The following MOGAT3 variants were observed in gnomAD, a reference collection of about 807,000 sequenced individuals.
MOGAT3 encodes the protein monoacylglycerol O-acyltransferase 3.
MOGAT3 carries 39 observed loss-of-function variants against 34.4 expected under a neutral mutation model. The ratio of observed to expected loss-of-function variants is 1.13; its 90% CI spans 0.88 to 1.48. The LOEUF (loss-of-function observed/expected upper bound fraction) is 1.48. Ranked by LOEUF, MOGAT3 falls within the 40% of genes most tolerant of loss-of-function variation. The pLI is 0.00. For missense variants in MOGAT3, 439 were observed against 438.9 expected, an observed-to-expected ratio of 1.00 and a Z score of 0.00; for synonymous variants, 209 against 179.2, an observed-to-expected ratio of 1.17 and a Z score of -1.33.
chr7:101,196,380 C>G lies in MOGAT3; in HGVS notation c.678G>C (p.Leu226=), dbSNP rs529546839. ...TCTCCCCAAAGGAGTACACGGGCAC[C>G]AGGGACGCCCTGGGAAGGAGCAAGA... ...VRLALRHGAS[L]VPVYSFGEND... The change falls in exon 6 of 7, where the codon CTG becomes CTC. Residue 226 remains leucine, a synonymous_variant. Transcript: ENST00000223114. 1 of 1,609,740 alleles carries G rather than the reference C, an allele frequency of 6.2e-7. No homozygotes were observed. The highest frequency in any genetic ancestry group is 1.3e-5 in the African/African-American group (1 of 74,798).
At chr7:101,192,941 G>A (rs1395064741), downstream of MOGAT3, among the ~76,000 whole-genome samples, 3 of 152,020 alleles carry the variant, frequency 2.0e-5, no homozygotes, top group African/African-American at 4.8e-5. Flanking sequence ...AGCCAGGAGT[G>A]GTGGCAGACG....
chr7:101,200,902 A>G lies in MOGAT3; in HGVS notation c.-48T>C, dbSNP rs750455451. 2.0e-6 allele frequency: 3 copies of G among 1,491,528 alleles called. No homozygotes were observed. The African/African-American group carries it at 4.1e-5, about 21-fold the overall frequency. 92.4% of individuals were successfully genotyped at this position (1,491,528 alleles called of 1,614,324 possible). ...CAGGATCCCAGAACCCGGAGGACAAACGATGAAGGCTTGGATGTGGACCTG... is the reference window on the plus strand; with the variant it reads ...CAGGATCCCAGAACCCGGAGGACAAGCGATGAAGGCTTGGATGTGGACCTG... On this transcript the variant is annotated 5_prime_UTR_variant, in exon 1 of 7. Coordinates refer to ENST00000223114, the MANE Select transcript of MOGAT3 (RefSeq NM_178176.4).
chr7:101,198,086 T>C, intron 5 of MOGAT3, 105 bp downstream of exon 5: 1 of 1,335,300 alleles, frequency 7.5e-7, no homozygotes, highest in Non-Finnish European at 1.0e-6. Context: ...AGGGCGCTGG[T>C]CTCTGGGCAC....
rs1051382883 is a variant in MOGAT3, at chr7:101,198,330, T to C, written c.529A>G (p.Ile177Val). The change falls in exon 5 of 7, where the codon ATC becomes GTC. Residue 177 changes from isoleucine (I) to valine (V), a missense_variant. Ile to Val is a conservative substitution (Grantham distance 29). Transcript: ENST00000223114. The part of the protein sequence containing the change: ...CPVSRQSLDF[I>V]LSQPQLGQAV... Reference sequence around the variant, plus strand: ...TGCCCGAGCTGGGGCTGGGACAGGATGAAGTCCAGGCTCTGGCGGCTCACC... The same window carrying C: ...TGCCCGAGCTGGGGCTGGGACAGGACGAAGTCCAGGCTCTGGCGGCTCACC... 2.8e-5 allele frequency: 44 copies of C among 1,578,232 alleles called. No individual in the cohort carries two copies. The highest frequency in any genetic ancestry group is 3.7e-5 in the Non-Finnish European group (43 of 1,159,734).
Position 101,196,256 on chromosome 7 carries a change from A to T in MOGAT3, c.802T>A (p.Trp268Arg). Residue 268 changes from tryptophan (W) to arginine (R), a missense_variant, in exon 6 of 7, where the codon TGG becomes AGG. Transcript: ENST00000223114. ...KLMGFSPCIFWGRGLFSATSW... is the reference protein window; with the variant it reads ...KLMGFSPCIFRGRGLFSATSW... ...GTGGCTGAGAAGAGACCGCGACCCC[A>T]GAAGATGCAAGGAGAGAAGCCCATG... is the stretch of plus-strand genomic sequence containing the variant. 1 of 1,608,796 alleles carries T rather than the reference A, an allele frequency of 6.2e-7. No individual in the cohort carries two copies. The highest frequency in any genetic ancestry group is 2.2e-5 in the East Asian group (1 of 44,780).
chr7:101,195,850 G>A lies in MOGAT3; in HGVS notation c.*96C>T, dbSNP rs1797761276. 6 of 1,383,540 alleles carry A rather than the reference G, an allele frequency of 4.3e-6. No homozygotes were observed. In the African/African-American group the frequency reaches 8.5e-5, roughly 20 times the overall value. 85.7% of individuals were successfully genotyped at this position (1,383,540 alleles called of 1,614,324 possible). A position where few individuals can be genotyped will look rare whatever the true frequency, so the allele number is the denominator to read the frequency against. ...TTACAGGCATGAGGCACTGCGCTGGGCCCAGAACTACCTTTTATTGGAGGC... is the reference window on the plus strand; with the variant it reads ...TTACAGGCATGAGGCACTGCGCTGGACCCAGAACTACCTTTTATTGGAGGC... On this transcript the variant is annotated 3_prime_UTR_variant, in exon 7 of 7. Coordinates refer to ENST00000223114, the MANE Select transcript of MOGAT3 (RefSeq NM_178176.4).
At chr7:101,197,430 T>G (rs1243591623) in intron 5 of MOGAT3, among the ~76,000 whole-genome samples, 1 of 152,116 alleles carries the variant, frequency 6.6e-6, no homozygotes, top group East Asian at 1.9e-4. Context: ...TCAAGTGATC[T>G]TCCTGCCTTG....
chr7:101,199,234 C>T (rs986936728), intron 3 of MOGAT3, among the ~76,000 whole-genome samples: 7 of 152,132 alleles, frequency 4.6e-5, no homozygotes, highest in Non-Finnish European at 8.8e-5. Flanking sequence ...TCTTGAACTC[C>T]TGACCTCGTG....
intron 1 of MOGAT3, 72 bp from the exon 2 acceptor site, chr7:101,200,587 T>G (rs1797931154): frequency 2.2e-6 from 3 of 1,365,838 alleles, no homozygotes; most frequent in Admixed American, 2.0e-5. Flanking sequence ...CTCCCTTCCC[T>G]TCCTCCCCTT....
chr7:101,196,497 AG>A, intron 5 of MOGAT3, 108 bp from the exon 6 acceptor site: 1 of 689,888 alleles, frequency 1.4e-6, no homozygotes, highest in Non-Finnish European at 2.5e-6. Context: ...GCTACCTCCC[AG>A]GGTCATTCAA....
In MOGAT3 at chr7:101,200,098, A is replaced by C. The variant is rs973099079; in HGVS notation, c.288+136T>G. 4 of 754,430 alleles carry C rather than the reference A, an allele frequency of 5.3e-6. No individual in the cohort carries two copies. In the African/African-American group the frequency reaches 7.0e-5, roughly 13 times the overall value. 46.7% of individuals were successfully genotyped at this position (754,430 alleles called of 1,614,324 possible). A position where few individuals can be genotyped will look rare whatever the true frequency, so the allele number is the denominator to read the frequency against. ...ACAGGAGACTCAGTCTAAAAAAAAAAAAAAATCCATTCCCTGTCCCACTGC... is the reference window on the plus strand; with the variant it reads ...ACAGGAGACTCAGTCTAAAAAAAAACAAAAATCCATTCCCTGTCCCACTGC... On this transcript the variant is annotated intron_variant, in intron 3 of 6. Transcript: ENST00000223114.
Position 101,195,721 on chromosome 7 carries a change from T to C in MOGAT3, c.*225A>G, listed in dbSNP as rs1476865804. On this transcript the variant is annotated 3_prime_UTR_variant, in exon 7 of 7. Transcript: ENST00000223114. The stretch of plus-strand genomic sequence containing the variant: ...CATGCCCGGCTAATTAACAACATTA[T>C]TTTTTAATTTTTGTAGAAATGAAGT... 4 of 570,794 alleles carry C rather than the reference T, an allele frequency of 7.0e-6. No homozygotes were observed. In the Admixed American group the frequency reaches 9.7e-5, roughly 14 times the overall value. The allele number at this position is 570,794 out of a possible 1,614,324, so 35.4% of individuals were successfully genotyped here.
chr7:101,198,966 G>C, intron 3 of MOGAT3, 136 bp from the exon 4 acceptor site: 1 of 581,126 alleles, frequency 1.7e-6, no homozygotes, highest in Non-Finnish European at 3.0e-6. Context: ...AGAGTTCCGA[G>C]TTAAAGGTTC....
intron 3 of MOGAT3, 92 bp downstream of exon 3, chr7:101,200,142 G>C (rs1167504443): frequency 9.4e-7 from 1 of 1,059,418 alleles, no homozygotes; most frequent in Non-Finnish European, 1.5e-6. Flanking sequence ...AGGCAGCGGG[G>C]AGCTCAGGCC....
downstream of MOGAT3, among the ~76,000 whole-genome samples, chr7:101,194,668 A>C (rs947075687): frequency 6.6e-6 from 1 of 150,430 alleles, no homozygotes; most frequent in East Asian, 2.0e-4. Context: ...TGCCTGGTTA[A>C]GTTTTTGTAT....
rs1323312325 is a variant in MOGAT3 at position 101,198,977 on chromosome 7, TTAGGA to T, written c.289-152_289-148del. On this transcript the variant is annotated intron_variant, in intron 3 of 6. Transcript: ENST00000223114. Reference sequence around the variant, plus strand: ...CAGCAGAGTTCCGAGTTAAAGGTTCTTAGGATAGGGTTAAGGGCCCAGGTTTTTTT... The same window carrying T: ...CAGCAGAGTTCCGAGTTAAAGGTTCTTAGGGTTAAGGGCCCAGGTTTTTTT... The T allele has an allele frequency of 1.4e-5, 9 of 651,826 alleles. No individual in the cohort carries two copies. In the East Asian group the frequency reaches 2.5e-4, roughly 18 times the overall value. 40.4% of individuals were successfully genotyped at this position (651,826 alleles called of 1,614,324 possible). A position where few individuals can be genotyped will look rare whatever the true frequency, so the allele number is the denominator to read the frequency against.
rs767938339 is a variant in MOGAT3 at position 101,200,762 on chromosome 7, G to A, written c.93C>T (p.Leu31=). ...LEAVGAYQYV[L]TFLFMGPFFS... ...AGCTCTCACCCATGAAGAGGAAAGTGAGCACATATTGGTAGGCGCCCACTG... is the reference window on the plus strand; with the variant it reads ...AGCTCTCACCCATGAAGAGGAAAGTAAGCACATATTGGTAGGCGCCCACTG... The change falls in exon 1 of 7, where the codon CTC becomes CTT. Residue 31 remains leucine (L), a synonymous_variant. Transcript: ENST00000223114. The A allele has an allele frequency of 1.9e-5, 31 of 1,613,916 alleles. No homozygotes were observed. The highest frequency in any genetic ancestry group is 1.6e-4 in the Middle Eastern group (1 of 6,082).
In MOGAT3 at chr7:101,196,334, C is replaced by A. The variant is rs1410475227; in HGVS notation, c.724G>T (p.Ala242Ser). 6.2e-7 allele frequency: 1 copy of A among 1,614,010 alleles called. No homozygotes were observed. Among genetic ancestry groups the A allele is most frequent in the South Asian group, 1.1e-5 (1 of 91,068 alleles). ...TGCTGCCAGGAGCCTGTGGCAAAAG[C>A]CTTAAGTCTAAAGATGTCATTCTCC... Reference protein sequence around the residue: ...FGENDIFRLKAFATGSWQHWC... With the variant: ...FGENDIFRLKSFATGSWQHWC... Residue 242 changes from alanine to serine, a missense_variant, in exon 6 of 7, where the codon GCT (alanine) becomes TCT (serine). Physicochemically the swap from Ala to Ser is moderately conservative, Grantham distance 99. Coordinates refer to ENST00000223114, the MANE Select transcript of MOGAT3 (RefSeq NM_178176.4).
chr7:101,196,105 A>T lies in MOGAT3; in HGVS notation c.872-5T>A, dbSNP rs770788036. ...GGACGGGGATGGGGCGGCCCACTGC[A>T]GGGAGAGGGAGACAGGTGGGCGAGG... On this transcript the variant is annotated splice_region_variant and splice_polypyrimidine_tract_variant and intron_variant, in intron 6 of 6. Coordinates refer to ENST00000223114, the MANE Select transcript of MOGAT3 (RefSeq NM_178176.4). The T allele has an allele frequency of 6.2e-7, 1 of 1,603,286 alleles. No individual in the cohort carries two copies. Among genetic ancestry groups the T allele is most frequent in the Non-Finnish European group, 8.5e-7 (1 of 1,174,446 alleles).
Sources: gnomAD v4.1 joint callset for allele counts (sites outside exome capture counted in the v4.1 genomes callset) on GRCh38, gnomAD v4.1.1 for gene constraint, MANE v1.5 for transcripts, NCBI Gene and HGNC (gene_info 2026-07-23, HGNC 2026-07-21) for gene names.